Variants in TEX11 observed in about 807,000 individuals in gnomAD.
TEX11 encodes testis-expressed protein 11.
In TEX11, 7 loss-of-function variants were observed where a neutral mutation model predicts 84.4. That is an observed-to-expected ratio of 0.08 (90% CI 0.05 to 0.16). The LOEUF is 0.16. Among genes scored for constraint, TEX11 ranks in the 10% least tolerant of loss-of-function variants. The pLI, the probability that TEX11 is intolerant of heterozygous loss-of-function variation, is 1.00. For synonymous variants in TEX11, 264 were observed against 222.8 expected (o/e 1.18, Z -1.64); for missense variants, 551 against 660.5 (o/e 0.83, Z 1.82).
chrX:70,729,918 G>A (rs2090631882), intron 11 of TEX11, among the ~76,000 whole-genome samples: 1 of 112,171 alleles, frequency 8.9e-6, no homozygotes, highest in Admixed American at 9.5e-5. Flanking sequence ...AGAAAGGTCG[G>A]GTTACCCACA....
At chrX:70,813,848 A>T (rs1360625547) in intron 8 of TEX11, among the ~76,000 whole-genome samples, 1 of 111,815 alleles carries the variant, frequency 8.9e-6, no homozygotes, top group Non-Finnish European at 1.9e-5. Context: ...TCCCATTCAC[A>T]ATTCCTTCAA....
chrX:70,668,938 A>G (rs2089999807), intron 16 of TEX11, among the ~76,000 whole-genome samples: 2 of 111,884 alleles, frequency 1.8e-5, no homozygotes, highest in African/African-American at 6.5e-5. Flanking sequence ...AGATTTGTGT[A>G]CTGTCTCAGA....
chrX:70,512,850 CCAT>C, the TEX11 span, among the ~76,000 whole-genome samples: 1 of 108,448 alleles, frequency 9.2e-6, no homozygotes, highest in African/African-American at 3.4e-5. Flanking sequence ...TGTGGGAAAC[CCAT>C]CAAGTCAAAC....
At chrX:70,551,158 A>AT (rs2088208561) in intron 28 of TEX11, among the ~76,000 whole-genome samples, 1 of 111,359 alleles carries the variant, frequency 9.0e-6, no homozygotes, top group South Asian at 3.8e-4. Context: ...CACACACACA[A>AT]AAAACAAACT....
At chrX:70,644,687 C>T (rs1294587034) in intron 17 of TEX11, among the ~76,000 whole-genome samples, 1 of 88,966 alleles carries the variant, frequency 1.1e-5, no homozygotes, top group African/African-American at 4.1e-5. Flanking sequence ...AAACCAAACA[C>T]CGCATATTCT....
intron 17 of TEX11, among the ~76,000 whole-genome samples, chrX:70,641,275 T>A (rs1387695055): frequency 1.8e-5 from 2 of 111,419 alleles, no homozygotes; most frequent in Non-Finnish European, 3.8e-5. Flanking sequence ...AAGCAAGTCC[T>A]GAGTGACCTA....
rs768909421 is a variant in TEX11, at chrX:70,682,771, C to T, written c.1059G>A (p.Ser353=). Residue 353 remains serine, a synonymous_variant, in exon 14 of 30, where the codon TCG becomes TCA. Transcript: ENST00000374333. ...GTATCAGAACTTTTCCAATATTTTC[C>T]GATGACTTAAAACGTTCATGAATAA... ...LTIIHERFKS[S]ENIGKVLILH... 7 of 1,207,762 alleles carry T rather than the reference C, an allele frequency of 5.8e-6. No individual in the cohort carries two copies. The highest frequency in any genetic ancestry group is 5.9e-5 in the East Asian group (2 of 33,676).
At chrX:70,563,135 C>T (rs1447319273) in intron 25 of TEX11, among the ~76,000 whole-genome samples, 6 of 111,817 alleles carry the variant, frequency 5.4e-5, no homozygotes, top group East Asian at 5.6e-4. Context: ...CTGAGTTCTT[C>T]GGATAGGCGA....
At chrX:70,755,366 A>G (rs926799975) in intron 9 of TEX11, among the ~76,000 whole-genome samples, 5 of 112,297 alleles carry the variant, frequency 4.5e-5, no homozygotes, top group African/African-American at 1.6e-4. Context: ...GTAAACTGCA[A>G]TTGGCATAAT....
intron 25 of TEX11, among the ~76,000 whole-genome samples, chrX:70,577,024 T>C (rs1410218412): frequency 9.0e-6 from 1 of 111,701 alleles, no homozygotes; most frequent in African/African-American, 3.3e-5. Context: ...TAGCTGCCTA[T>C]ATCCACTGGC....
intron 9 of TEX11, among the ~76,000 whole-genome samples, chrX:70,791,549 A>G (rs1004040927): frequency 8.9e-6 from 1 of 112,041 alleles, no homozygotes; most frequent in Admixed American, 9.5e-5. Context: ...GCAACCATGG[A>G]ACACACATTC....
chrX:70,802,290 A>C (rs1208184289), intron 9 of TEX11, among the ~76,000 whole-genome samples: 1 of 111,797 alleles, frequency 8.9e-6, no homozygotes, highest in Non-Finnish European at 1.9e-5. Flanking sequence ...GGCCTTGACA[A>C]ATCAATTGTA....
intron 13 of TEX11, among the ~76,000 whole-genome samples, chrX:70,719,274 A>G (rs1037178974): frequency 8.9e-6 from 1 of 112,258 alleles, no homozygotes; most frequent in African/African-American, 3.2e-5. Flanking sequence ...AAACACTGCC[A>G]CTTTGGATTT....
chrX:70,515,498 A>G, the TEX11 span, among the ~76,000 whole-genome samples: 1 of 111,858 alleles, frequency 8.9e-6, no homozygotes, highest in Admixed American at 9.5e-5. Context: ...TATGTGCCAC[A>G]TTTTCTTAAT....
intron 19 of TEX11, among the ~76,000 whole-genome samples, chrX:70,624,307 G>C (rs1287045878): frequency 9.0e-6 from 1 of 111,564 alleles, no homozygotes; most frequent in Non-Finnish European, 1.9e-5. Context: ...AAAAACACCT[G>C]CTAGAACATC....
intron 9 of TEX11, among the ~76,000 whole-genome samples, chrX:70,789,637 T>C (rs1299657326): frequency 8.9e-6 from 1 of 112,186 alleles, no homozygotes; most frequent in Non-Finnish European, 1.9e-5. Flanking sequence ...AGACGAAAGA[T>C]AACAAGAGTT....
chrX:70,765,244 G>A (rs1275312730), intron 9 of TEX11, among the ~76,000 whole-genome samples: 1 of 110,880 alleles, frequency 9.0e-6, no homozygotes, highest in Non-Finnish European at 1.9e-5. Context: ...AAATTAGCTG[G>A]GCGTGGTGGC....
At chrX:70,907,671 C>A (rs1451334736) in intron 2 of TEX11, 82 bp downstream of exon 2, 3 of 772,165 alleles carry the variant, frequency 3.9e-6, no homozygotes, top group Non-Finnish European at 5.9e-6. Flanking sequence ...AGATTACAGG[C>A]GTGAGCCACC....
intron 13 of TEX11, among the ~76,000 whole-genome samples, chrX:70,715,885 A>T (rs1215435664): frequency 9.1e-6 from 1 of 110,442 alleles, no homozygotes; most frequent in Non-Finnish European, 1.9e-5. Context: ...TAGAGTTTCC[A>T]GTTTTTCTGC....
Sources: gnomAD v4.1 joint callset for allele counts (sites outside exome capture counted in the v4.1 genomes callset) on GRCh38, gnomAD v4.1.1 for gene constraint, MANE v1.5 for transcripts, NCBI Gene and HGNC (gene_info 2026-07-23, HGNC 2026-07-21) for gene names.